The following IQGAP1 variants were observed in gnomAD, a reference collection of about 807,000 sequenced individuals.
The protein encoded by IQGAP1 is IQ motif containing GTPase activating protein 1, also known as ras GTPase-activating-like protein IQGAP1.
IQGAP1 carries 66 observed loss-of-function variants against 215.6 expected under a neutral mutation model. The ratio of observed to expected loss-of-function variants is 0.31; its 90% CI spans 0.25 to 0.38. The LOEUF is 0.38. IQGAP1 is among the 10% of genes least tolerant of loss of function. The probability of loss-of-function intolerance (pLI) is 1.00; values close to 1 mark genes in which losing one functional copy is unlikely to be tolerated. For missense variants in IQGAP1, 1,712 were observed against 1,997.1 expected (o/e 0.86, Z 2.72); for synonymous variants, 772 against 728.7 (o/e 1.06, Z -0.96).
At chr15:90,442,468 A>G (rs950400721) in intron 8 of IQGAP1, among the ~76,000 whole-genome samples, 1 of 152,030 alleles carries the variant, frequency 6.6e-6, no homozygotes, top group Non-Finnish European at 1.5e-5. Context: ...AAAACTTCAC[A>G]CAAATTTATC....
intron 3 of IQGAP1, among the ~76,000 whole-genome samples, chr15:90,428,009 A>C (rs1965249187): frequency 6.6e-6 from 1 of 152,174 alleles, no homozygotes; most frequent in South Asian, 2.1e-4. Flanking sequence ...AACATCATAA[A>C]CAGAAACTTT....
intron 26 of IQGAP1, among the ~76,000 whole-genome samples, chr15:90,478,615 G>A (rs991375022): frequency 2.0e-5 from 3 of 152,134 alleles, no homozygotes; most frequent in African/African-American, 7.2e-5. Context: ...AGCCTATCCC[G>A]GAAGATAAAA....
intron 2 of IQGAP1, among the ~76,000 whole-genome samples, chr15:90,407,033 T>A (rs74761386): frequency 1.3e-5 from 2 of 152,322 alleles, no homozygotes; most frequent in African/African-American, 4.8e-5. Context: ...TACTTTAAGA[T>A]GGATCTCGTA....
chr15:90,466,173 G>A (rs371167191), intron 16 of IQGAP1, 82 bp downstream of exon 16: 7 of 1,571,192 alleles, frequency 4.5e-6, no homozygotes, highest in South Asian at 3.3e-5. Context: ...AGATAGGTAT[G>A]GGGGAACAAT....
chr15:90,466,087 G>A lies in IQGAP1; in HGVS notation c.1863G>A (p.Gln621=). ...CCAACAAAGACACCCAAGAAGCACA[G>A]AAGTGTATGTATCACCTGTTTTATT... ...WQSNKDTQEA[Q]KFALGIFAIN... Residue 621 remains glutamine, a synonymous_variant, in exon 16 of 38, where the codon CAG becomes CAA. Transcript: ENST00000268182. The A allele has an allele frequency of 6.2e-7, 1 of 1,613,822 alleles. No homozygotes were observed. Among genetic ancestry groups the A allele is most frequent in the Non-Finnish European group, 8.5e-7 (1 of 1,179,726 alleles).
intron 2 of IQGAP1, chr15:90,391,175 C>T: frequency 7.7e-6 from 2 of 259,076 alleles, no homozygotes; most frequent in South Asian, 4.5e-5. Context: ...GAGGTCGAGG[C>T]AGCAGTGAGC....
intron 33 of IQGAP1, among the ~76,000 whole-genome samples, chr15:90,488,679 A>C (rs915239634): frequency 1.3e-5 from 2 of 152,208 alleles, no homozygotes; most frequent in Admixed American, 1.3e-4. Flanking sequence ...GAAGCAGTGC[A>C]TTAGGAAGCT....
chr15:90,460,248 A>G (rs1477870200), intron 15 of IQGAP1, among the ~76,000 whole-genome samples: 1 of 152,144 alleles, frequency 6.6e-6, no homozygotes, highest in Non-Finnish European at 1.5e-5. Context: ...TTTCATGATG[A>G]TATGCTAAAC....
At chr15:90,481,565 G>C (rs1323255983) in intron 26 of IQGAP1, among the ~76,000 whole-genome samples, 1 of 151,938 alleles carries the variant, frequency 6.6e-6, no homozygotes, top group East Asian at 1.9e-4. Flanking sequence ...CCTTCGTTTT[G>C]GAAGCTTTCC....
chr15:90,433,684 G>T, intron 4 of IQGAP1, 35 bp from the exon 5 acceptor site: 1 of 1,223,546 alleles, frequency 8.2e-7, no homozygotes, highest in South Asian at 1.3e-5. Context: ...CACAGTGAAT[G>T]GATATCTTAC....
chr15:90,390,162 A>G (rs888742144), intron 1 of IQGAP1, among the ~76,000 whole-genome samples: 4 of 152,150 alleles, frequency 2.6e-5, no homozygotes, highest in African/African-American at 4.8e-5. Context: ...CTTCCCAAGG[A>G]GTTAGGAATT....
Position 90,477,096 on chromosome 15 carries a change from T to C in IQGAP1, c.2970T>C (p.Ile990=), listed in dbSNP as rs1396122088. ...QTNPTYLAKL[I]FQMPQNKSTK... ...ATCCCACCTATCTGGCCAAGCTCAT[T>C]TTTCAGATGCCCCAGAACAAGTCCA... The change falls in exon 25 of 38, where the codon ATT becomes ATC. Residue 990 remains isoleucine (I), a synonymous_variant. Transcript: ENST00000268182. 2 of 1,614,230 alleles carry C rather than the reference T, an allele frequency of 1.2e-6. No individual in the cohort carries two copies. Among genetic ancestry groups the C allele is most frequent in the Admixed American group, 1.7e-5 (1 of 60,026 alleles).
chr15:90,453,167 G>A lies in IQGAP1; in HGVS notation c.1362G>A (p.Val454=), dbSNP rs1309144330. ...CCCACCCAGAGCTCTCTGTCGCAGT[G>A]GAGATGTTGTCATCGGTGGCCCTGA... ...NLTHPELSVA[V]EMLSSVALIN... Residue 454 remains valine, a synonymous_variant, in exon 13 of 38, where the codon GTG becomes GTA. Coordinates refer to ENST00000268182, the MANE Select transcript of IQGAP1 (RefSeq NM_003870.4). 2 of 1,613,890 alleles carry A rather than the reference G, an allele frequency of 1.2e-6. No homozygotes were observed. The highest frequency in any genetic ancestry group is 1.7e-6 in the Non-Finnish European group (2 of 1,179,884).
chr15:90,389,308 G>T (rs1426315065), intron 1 of IQGAP1, among the ~76,000 whole-genome samples: 1 of 151,540 alleles, frequency 6.6e-6, no homozygotes, highest in African/African-American at 2.4e-5. Flanking sequence ...AGGAGAAGGG[G>T]CCTGGGGAAG....
Position 90,500,361 on chromosome 15 carries a change from G to T in IQGAP1, c.*253G>T. 1 of 377,598 alleles carries T rather than the reference G, an allele frequency of 2.6e-6. No individual in the cohort carries two copies. The highest frequency in any genetic ancestry group is 3.7e-5 in the South Asian group (1 of 26,818). The allele number at this position is 377,598 out of a possible 1,614,324, so 23.4% of individuals were successfully genotyped here. On this transcript the variant is annotated 3_prime_UTR_variant, in exon 38 of 38. Transcript: ENST00000268182. ...TCATTTTCTTCCATTACTTAGGAAA[G>T]AGTGGAAACTCCACTAAAATTTCTC...
intron 30 of IQGAP1, among the ~76,000 whole-genome samples, 190 bp from the exon 31 acceptor site, chr15:90,485,840 A>G (rs1031885908): frequency 1.3e-5 from 2 of 152,330 alleles, no homozygotes; most frequent in South Asian, 4.1e-4. Context: ...AAGTCATTCA[A>G]CAGAGCCTGG....
intron 11 of IQGAP1, among the ~76,000 whole-genome samples, chr15:90,450,408 G>A (rs1965587367): frequency 8.9e-6 from 1 of 112,774 alleles, no homozygotes; most frequent in African/African-American, 3.5e-5. Context: ...TCATATCTTG[G>A]CTATTGTGAA....
At chr15:90,388,700 A>C (rs1033056608) in intron 1 of IQGAP1, among the ~76,000 whole-genome samples, 3 of 151,978 alleles carry the variant, frequency 2.0e-5, no homozygotes, top group African/African-American at 7.2e-5. Context: ...AAGACGGCCT[A>C]GAGTGAGGTG....
intron 4 of IQGAP1, among the ~76,000 whole-genome samples, chr15:90,430,502 T>C (rs1965287155): frequency 1.3e-5 from 2 of 152,280 alleles, no homozygotes; most frequent in East Asian, 3.9e-4. Flanking sequence ...TTAATTGTGT[T>C]ACAGCCAAAT....
Sources: allele counts gnomAD v4.1 joint callset (sites outside exome capture counted in the v4.1 genomes callset), GRCh38; gene constraint gnomAD v4.1.1; transcripts MANE v1.5; gene names NCBI Gene and HGNC (gene_info 2026-07-23, HGNC 2026-07-21).